GRIK3: variants seen among roughly 807,000 people sequenced by gnomAD.
GRIK3 encodes glutamate ionotropic receptor kainate type subunit 3, also known as glutamate receptor ionotropic, kainate 3.
GRIK3 carries 29 observed loss-of-function variants against 102.5 expected under a neutral mutation model. The ratio of observed to expected loss-of-function variants is 0.28; its 90% CI spans 0.21 to 0.39. The LOEUF (loss-of-function observed/expected upper bound fraction) is 0.39. GRIK3 is among the 10% of genes least tolerant of loss of function. The pLI, the probability that GRIK3 is intolerant of heterozygous loss-of-function variation, is 1.00. For synonymous variants in GRIK3, 511 were observed against 504.9 expected (o/e 1.01, Z -0.16); for missense variants, 908 against 1,252.4 (o/e 0.73, Z 4.15).
At chr1:36,870,314 G>A (rs989893586) in intron 4 of GRIK3, among the ~76,000 whole-genome samples, 9 of 152,254 alleles carry the variant, frequency 5.9e-5, no homozygotes, top group African/African-American at 1.9e-4. Flanking sequence ...AGGCATCCCT[G>A]CTCCCTTAGT....
At chr1:36,936,525 G>A (rs575877620) in intron 1 of GRIK3, among the ~76,000 whole-genome samples, 10 of 152,298 alleles carry the variant, frequency 6.6e-5, no homozygotes, top group East Asian at 5.8e-4. Flanking sequence ...AGGGCACCTC[G>A]GCTGATGAAT....
At position 36,911,797 on chromosome 1, in the gene GRIK3, C is replaced by T. The variant is rs138052848; in HGVS notation, c.116-20701G>A. Among the ~76,000 whole-genome samples, 944 of 152,056 alleles carry T rather than the reference C, an allele frequency of 6.2e-3. 13 individuals are homozygous for T. Among genetic ancestry groups the T allele is most frequent in the African/African-American group, 0.022 (893 of 41,458 alleles). Reference sequence around the variant, plus strand: ...AGTACAATGTGGGCAGAGGACTGAGCGGGGAGCTGTGGAGGGGCCCTGTGA... The same window carrying T: ...AGTACAATGTGGGCAGAGGACTGAGTGGGGAGCTGTGGAGGGGCCCTGTGA... On this transcript the variant is annotated intron_variant, in intron 1 of 15. Transcript: ENST00000373091.
intron 9 of GRIK3, among the ~76,000 whole-genome samples, chr1:36,847,950 C>G (rs960177704): frequency 2.0e-5 from 3 of 152,224 alleles, no homozygotes; most frequent in African/African-American, 7.2e-5. Flanking sequence ...GGGTTCTCTG[C>G]TTTCCTAGCC....
chr1:36,881,323 G>A (rs1343880191), intron 2 of GRIK3, among the ~76,000 whole-genome samples: 8 of 152,012 alleles, frequency 5.3e-5, no homozygotes, highest in Non-Finnish European at 7.4e-5. Flanking sequence ...TCCCTACCCC[G>A]GACCTGTGCA....
At chr1:36,951,677 T>TGGGAA (rs1641845880) in intron 1 of GRIK3, among the ~76,000 whole-genome samples, 1 of 151,934 alleles carries the variant, frequency 6.6e-6, no homozygotes, top group African/African-American at 2.4e-5. Context: ...CTCTCCCCCT[T>TGGGAA]GGGCAGGGCA....
intron 1 of GRIK3, among the ~76,000 whole-genome samples, chr1:36,983,618 G>A (rs1642272271): frequency 6.6e-6 from 1 of 152,092 alleles, no homozygotes; most frequent in Non-Finnish European, 1.5e-5. Flanking sequence ...ATAAGCAGCA[G>A]CAGAGCTAGG....
chr1:36,873,287 ATC>A (rs1311908061), intron 3 of GRIK3, among the ~76,000 whole-genome samples: 1 of 152,134 alleles, frequency 6.6e-6, no homozygotes, highest in Non-Finnish European at 1.5e-5. Flanking sequence ...ACACTGAAAA[ATC>A]TATCCTCTAC....
chr1:36,821,720 AGGCTGCTGGAGGACCAGG>A (rs1642697582), intron 11 of GRIK3, among the ~76,000 whole-genome samples: 1 of 152,184 alleles, frequency 6.6e-6, no homozygotes, highest in Admixed American at 6.5e-5. Context: ...CATGGGGCAC[AGGCTGCTGGAGGACCAGG>A]GGCTGTGTGG....
Position 36,817,069 on chromosome 1 carries a change from G to A in GRIK3, c.2082C>T (p.Thr694=), listed in dbSNP as rs749860359. 2.5e-5 allele frequency: 41 copies of A among 1,611,544 alleles called. No homozygotes were observed. Among genetic ancestry groups the A allele is most frequent in the Middle Eastern group, 3.3e-4 (2 of 6,074 alleles). Residue 694 remains threonine, a synonymous_variant, in exon 13 of 16, where the codon ACC becomes ACT. Transcript: ENST00000373091. ...AGGGAGAGGGCCTCACCTTGAAGAA[G>A]GTCATGGTGGCCCCATCCTTGACAG... ...YGAVKDGATM[T]FFKKSKISTF... is the part of the protein sequence containing the mutation.
intron 1 of GRIK3, among the ~76,000 whole-genome samples, chr1:36,931,382 G>A (rs1426624825): frequency 2.0e-5 from 3 of 152,086 alleles, no homozygotes; most frequent in African/African-American, 7.2e-5. Flanking sequence ...TCCTCAAAGA[G>A]CCTTCTCTGA....
intron 1 of GRIK3, among the ~76,000 whole-genome samples, chr1:36,946,177 G>T (rs1173566069): frequency 1.3e-5 from 2 of 152,248 alleles, no homozygotes; most frequent in Non-Finnish European, 2.9e-5. Flanking sequence ...GGAGAGCGAT[G>T]GGTATCCAGA....
intron 1 of GRIK3, among the ~76,000 whole-genome samples, chr1:36,936,583 G>A (rs756240): frequency 0.83 from 126,757 of 152,080 alleles, 53,002 homozygotes; most frequent in East Asian, 0.99. Flanking sequence ...TCCTGCCCCT[G>A]ACCCACCCCA....
chr1:36,814,502 T>C (rs1642600447), intron 13 of GRIK3, among the ~76,000 whole-genome samples: 1 of 131,406 alleles, frequency 7.6e-6, no homozygotes, highest in East Asian at 2.5e-4. Flanking sequence ...ATTATACACA[T>C]ACATAGACCC....
chr1:36,826,522 G>A (rs949696458), intron 10 of GRIK3, among the ~76,000 whole-genome samples: 2 of 152,044 alleles, frequency 1.3e-5, no homozygotes, highest in African/African-American at 4.8e-5. Flanking sequence ...TAAAAAGTTA[G>A]CTGGGTACAG....
intron 11 of GRIK3, among the ~76,000 whole-genome samples, chr1:36,823,528 C>T (rs1043225877): frequency 2.0e-5 from 3 of 149,780 alleles, no homozygotes; most frequent in Admixed American, 6.7e-5. Flanking sequence ...ACAGAAAAAC[C>T]GTGAGATGTC....
At chr1:36,966,958 A>C (rs1241322151) in intron 1 of GRIK3, among the ~76,000 whole-genome samples, 1 of 152,190 alleles carries the variant, frequency 6.6e-6, no homozygotes, top group Non-Finnish European at 1.5e-5. Context: ...AAAAAGATGT[A>C]TGGAATCCTT....
chr1:36,847,581 G>A (rs751073169), intron 9 of GRIK3, among the ~76,000 whole-genome samples: 1 of 152,176 alleles, frequency 6.6e-6, no homozygotes, highest in Non-Finnish European at 1.5e-5. Flanking sequence ...GACTGGATTT[G>A]TAATCAATAA....
intron 1 of GRIK3, among the ~76,000 whole-genome samples, chr1:36,928,856 A>G (rs1641558035): frequency 6.6e-6 from 1 of 152,234 alleles, no homozygotes; most frequent in African/African-American, 2.4e-5. Flanking sequence ...AGGAAGGAGA[A>G]CTAGGGGCAT....
intron 1 of GRIK3, among the ~76,000 whole-genome samples, chr1:37,004,904 C>T (rs1222849321): frequency 6.6e-6 from 1 of 152,246 alleles, no homozygotes; most frequent in Non-Finnish European, 1.5e-5. Context: ...CAGCCCGGCC[C>T]AGCACTGCAG....
Sources: allele counts gnomAD v4.1 joint callset (sites outside exome capture counted in the v4.1 genomes callset), GRCh38; gene constraint gnomAD v4.1.1; transcripts MANE v1.5; gene names NCBI Gene and HGNC (gene_info 2026-07-23, HGNC 2026-07-21).